The following WDFY4 variants were observed in gnomAD, a reference collection of about 807,000 sequenced individuals.
WDFY4 encodes WDFY family member 4.
A neutral mutation model predicts 351.9 loss-of-function variants in WDFY4; 169 were observed. The ratio of observed to expected loss-of-function variants is 0.48; its 90% CI spans 0.42 to 0.55. The LOEUF (loss-of-function observed/expected upper bound fraction) is 0.55. Among genes scored for constraint, WDFY4 ranks in the 20% least tolerant of loss-of-function variants. The pLI, the probability that WDFY4 is intolerant of heterozygous loss-of-function variation, is 0.00. For missense variants in WDFY4, 3,803 were observed against 3,935.6 expected (o/e 0.97, Z 0.90); for synonymous variants, 1,622 against 1,574.6 (o/e 1.03, Z -0.71).
intron 24 of WDFY4, among the ~76,000 whole-genome samples, chr10:48,801,245 G>A (rs893827847): frequency 3.3e-5 from 5 of 152,154 alleles, no homozygotes; most frequent in African/African-American, 1.2e-4. Context: ...CTGACATTTG[G>A]CATTATGTAA....
In WDFY4 at chr10:48,821,953, T is replaced by C. The variant is rs116405292; in HGVS notation, c.5825-427T>C. On this transcript the variant is annotated intron_variant, in intron 34 of 61. Coordinates refer to ENST00000325239, the MANE Select transcript of WDFY4 (RefSeq NM_001394531.1). ...CTCACAGGGTTGTGCTAGGGGTTAG[T>C]TGAGATCATCACACACATGGCTGAG... 1.9e-3 allele frequency among the ~76,000 whole-genome samples: 292 copies of C among 152,310 alleles called. 1 individual carries two copies. Among genetic ancestry groups the C allele is most frequent in the African/African-American group, 6.6e-3 (274 of 41,566 alleles).
intron 1 of WDFY4, among the ~76,000 whole-genome samples, chr10:48,690,418 TGTGGCCA>T (rs1365633628): frequency 6.6e-6 from 1 of 152,228 alleles, no homozygotes; most frequent in Non-Finnish European, 1.5e-5. Context: ...CAGAAACCTC[TGTGGCCA>T]GTGGCACCTT....
At chr10:48,760,263 G>A in intron 12 of WDFY4, 84 bp from the exon 13 acceptor site, 4 of 1,245,746 alleles carry the variant, frequency 3.2e-6, no homozygotes, top group Non-Finnish European at 4.5e-6. Context: ...ATCTGTCTTA[G>A]AAAGAAAGAT....
At chr10:48,711,858 T>G (rs1396333474) in intron 2 of WDFY4, among the ~76,000 whole-genome samples, 1 of 152,218 alleles carries the variant, frequency 6.6e-6, no homozygotes, top group Non-Finnish European at 1.5e-5. Context: ...ATCAGATTTC[T>G]AATTTATCTT....
At chr10:48,976,673 C>T (rs1351935770) in intron 58 of WDFY4, 124 bp from the exon 59 acceptor site, 1 of 897,360 alleles carries the variant, frequency 1.1e-6, no homozygotes. Context: ...TTTTGGGGTA[C>T]CTTGGGGGTC....
At chr10:48,934,616 A>T (rs942488699) in intron 47 of WDFY4, among the ~76,000 whole-genome samples, 2 of 152,258 alleles carry the variant, frequency 1.3e-5, no homozygotes, top group African/African-American at 4.8e-5. Context: ...AGTGTTCAGG[A>T]TAACTTGTAG....
intron 11 of WDFY4, among the ~76,000 whole-genome samples, chr10:48,741,168 C>T (rs185766419): frequency 4.5e-4 from 68 of 152,212 alleles, no homozygotes; most frequent in South Asian, 6.2e-4. Flanking sequence ...CAGGCTCCTC[C>T]TGTGTTCTCT....
At chr10:48,803,461 CTG>C in intron 25 of WDFY4, 102 bp downstream of exon 25, 1 of 1,155,894 alleles carries the variant, frequency 8.7e-7, no homozygotes, top group Non-Finnish European at 1.2e-6. Context: ...TCCCAGAACA[CTG>C]GGTCCCCAAA....
chr10:48,721,967 C>T (rs1196603899), intron 4 of WDFY4, among the ~76,000 whole-genome samples: 1 of 152,202 alleles, frequency 6.6e-6, no homozygotes, highest in Non-Finnish European at 1.5e-5. Context: ...CTTCCCTTCC[C>T]ACCCATACCC....
At chr10:48,864,080 G>T (rs993001974) in intron 39 of WDFY4, among the ~76,000 whole-genome samples, 1 of 152,216 alleles carries the variant, frequency 6.6e-6, no homozygotes. Flanking sequence ...AGATTTGAGT[G>T]GGCACACAAA....
chr10:48,840,282 G>A (rs1391273129), intron 39 of WDFY4, among the ~76,000 whole-genome samples: 1 of 152,036 alleles, frequency 6.6e-6, no homozygotes, highest in Non-Finnish European at 1.5e-5. Context: ...ATGGAGGTGG[G>A]GACACACTGC....
intron 39 of WDFY4, among the ~76,000 whole-genome samples, chr10:48,856,270 C>T (rs967817673): frequency 1.3e-5 from 2 of 152,002 alleles, no homozygotes; most frequent in African/African-American, 4.8e-5. Flanking sequence ...GCGAGATAGC[C>T]ACTATATTTT....
intron 61 of WDFY4, 53 bp downstream of exon 61, chr10:48,981,531 T>C: frequency 6.6e-7 from 1 of 1,520,660 alleles, no homozygotes. Context: ...TGCAGCCACC[T>C]TTAGGAAAGC....
At chr10:48,779,181 G>C (rs2066137251) in intron 18 of WDFY4, among the ~76,000 whole-genome samples, 1 of 152,240 alleles carries the variant, frequency 6.6e-6, no homozygotes, top group Non-Finnish European at 1.5e-5. Context: ...CCTCTCCTGA[G>C]TGAGGTTTGT....
At chr10:48,813,463 G>A (rs1467251726) in intron 30 of WDFY4, among the ~76,000 whole-genome samples, 6 of 151,996 alleles carry the variant, frequency 3.9e-5, no homozygotes, top group African/African-American at 2.4e-5. Flanking sequence ...CAATCCCATG[G>A]GGTAGATAAT....
intron 60 of WDFY4, among the ~76,000 whole-genome samples, chr10:48,981,158 T>C (rs1842788556): frequency 6.6e-6 from 1 of 152,222 alleles, no homozygotes; most frequent in Non-Finnish European, 1.5e-5. Flanking sequence ...CGTCAGCACA[T>C]GTAACTATCA....
At chr10:48,865,920 T>C (rs2069526461) in intron 39 of WDFY4, among the ~76,000 whole-genome samples, 1 of 152,156 alleles carries the variant, frequency 6.6e-6, no homozygotes, top group South Asian at 2.1e-4. Flanking sequence ...GTAAGGTCAG[T>C]AGTATTGTCT....
intron 60 of WDFY4, among the ~76,000 whole-genome samples, chr10:48,980,764 A>G (rs1357670902): frequency 1.3e-5 from 2 of 152,150 alleles, no homozygotes; most frequent in Non-Finnish European, 2.9e-5. Context: ...GAGTCCAAGG[A>G]AGTGGCCTCG....
chr10:48,786,975 A>G (rs925051962), intron 20 of WDFY4, 105 bp downstream of exon 20: 3 of 959,770 alleles, frequency 3.1e-6, no homozygotes. Context: ...CGTTAAAGTC[A>G]GTCATTAGGG....
Sources: allele counts gnomAD v4.1 joint callset (sites outside exome capture counted in the v4.1 genomes callset), GRCh38; gene constraint gnomAD v4.1.1; transcripts MANE v1.5; gene names NCBI Gene and HGNC (gene_info 2026-07-23, HGNC 2026-07-21).